Variants in EPHA6 observed in about 807,000 individuals in gnomAD.
EPHA6 encodes EPH receptor A6.
A neutral mutation model predicts 112.0 loss-of-function variants in EPHA6; 50 were observed. That is an observed-to-expected ratio of 0.45 (90% CI 0.36 to 0.56). The LOEUF is 0.56. Among genes scored for constraint, EPHA6 ranks in the 20% least tolerant of loss-of-function variants. EPHA6 has a pLI of 0.00. For missense variants in EPHA6, 1,280 were observed against 1,417.4 expected, an observed-to-expected ratio of 0.90 and a Z score of 1.56; for synonymous variants, 529 against 490.7, an observed-to-expected ratio of 1.08 and a Z score of -1.03.
chr3:97,345,959 C>T lies in EPHA6; in HGVS notation c.1607-59191C>T, dbSNP rs554352536. 3.9e-5 allele frequency among the ~76,000 whole-genome samples: 6 copies of T among 152,130 alleles called. No individual in the cohort carries two copies. In the South Asian group the frequency reaches 1.0e-3, roughly 26 times the overall value. On this transcript the variant is annotated intron_variant, in intron 5 of 17. Coordinates refer to ENST00000389672, the MANE Select transcript of EPHA6 (RefSeq NM_001080448.3). ...AGGTCATAACCTTTTTCAAGACTATCTTGAAAAAATTGTCACAAAAATTTT... is the reference window on the plus strand; with the variant it reads ...AGGTCATAACCTTTTTCAAGACTATTTTGAAAAAATTGTCACAAAAATTTT...
At chr3:97,546,157 C>T (rs2092944476) in intron 11 of EPHA6, among the ~76,000 whole-genome samples, 1 of 152,094 alleles carries the variant, frequency 6.6e-6, no homozygotes, top group African/African-American at 2.4e-5. Flanking sequence ...TTCTTCCTAG[C>T]CTTGATGGTC....
chr3:97,191,063 C>T (rs1208225928), intron 3 of EPHA6, among the ~76,000 whole-genome samples: 2 of 152,068 alleles, frequency 1.3e-5, no homozygotes, highest in Non-Finnish European at 2.9e-5. Context: ...TGGTAACTGC[C>T]ATTGTACTTG....
chr3:96,850,898 A>T (rs1454610822), intron 1 of EPHA6, among the ~76,000 whole-genome samples: 4 of 152,154 alleles, frequency 2.6e-5, no homozygotes, highest in Non-Finnish European at 4.4e-5. Flanking sequence ...TTACATAAAA[A>T]TATACATAAA....
chr3:97,281,526 T>C (rs1369584781), intron 5 of EPHA6, among the ~76,000 whole-genome samples: 1 of 152,172 alleles, frequency 6.6e-6, no homozygotes, highest in Non-Finnish European at 1.5e-5. Flanking sequence ...AGTCTCTCAC[T>C]GTGATTCCAA....
intron 5 of EPHA6, among the ~76,000 whole-genome samples, chr3:97,277,366 G>C (rs1348522949): frequency 1.3e-5 from 2 of 152,098 alleles, no homozygotes; most frequent in African/African-American, 4.8e-5. Flanking sequence ...TTTTGAGCTG[G>C]GATGAGCCAG....
intron 1 of EPHA6, among the ~76,000 whole-genome samples, chr3:96,862,404 C>A (rs72933412): frequency 0.016 from 2,437 of 151,884 alleles, 65 homozygotes; most frequent in African/African-American, 0.049. Flanking sequence ...TAGGAAGAAA[C>A]CCCTTACTTT....
chr3:97,076,170 G>A (rs996105558), intron 3 of EPHA6, among the ~76,000 whole-genome samples: 2 of 152,062 alleles, frequency 1.3e-5, no homozygotes, highest in Non-Finnish European at 2.9e-5. Flanking sequence ...CATGTCAAAA[G>A]CCAAAAAAGG....
chr3:96,844,511 T>C (rs1407836478), intron 1 of EPHA6, among the ~76,000 whole-genome samples: 1 of 152,064 alleles, frequency 6.6e-6, no homozygotes, highest in African/African-American at 2.4e-5. Context: ...AAGGTCTTGC[T>C]GTATCTCTTT....
chr3:96,975,407 T>A lies in EPHA6; in HGVS notation c.451-11923T>A, dbSNP rs563330942. Among the ~76,000 whole-genome samples, 3 of 152,294 alleles carry A rather than the reference T, an allele frequency of 2.0e-5. No individual in the cohort carries two copies. In the South Asian group the frequency reaches 6.2e-4, roughly 32 times the overall value. On this transcript the variant is annotated intron_variant, in intron 2 of 17. Transcript: ENST00000389672. The stretch of plus-strand genomic sequence containing the variant: ...ACGTCATAGAATACGTAAAATAAAG[T>A]TAGAAGACCTAGTTCTAATTCTAGT...
At chr3:97,196,359 A>G (rs1186864901) in intron 3 of EPHA6, among the ~76,000 whole-genome samples, 6 of 151,978 alleles carry the variant, frequency 3.9e-5, no homozygotes, top group Non-Finnish European at 8.8e-5. Context: ...CAATAAACTT[A>G]TCTGACAGGA....
intron 6 of EPHA6, among the ~76,000 whole-genome samples, chr3:97,419,461 C>T (rs916966921): frequency 6.6e-6 from 1 of 151,660 alleles, no homozygotes; most frequent in Non-Finnish European, 1.5e-5. Flanking sequence ...CCCTTCTCTA[C>T]TGAAAATACA....
chr3:97,264,555 C>G (rs1415519256), intron 5 of EPHA6, among the ~76,000 whole-genome samples: 1 of 152,184 alleles, frequency 6.6e-6, no homozygotes, highest in Non-Finnish European at 1.5e-5. Context: ...GTCTGGACTC[C>G]TCGAAGGCCC....
rs74697588 is a variant in EPHA6 at position 97,523,769 on chromosome 3, T to C, written c.2201-8589T>C. Among the ~76,000 whole-genome samples, 1,056 of 152,174 alleles carry C rather than the reference T, an allele frequency of 6.9e-3. 17 individuals are homozygous for C. Among genetic ancestry groups the C allele is most frequent in the African/African-American group, 0.022 (923 of 41,574 alleles). ...ATGTATATTTTAAATGCTTATCTTT[T>C]TAATGAACTGACCCTTTTGTTATTA... On this transcript the variant is annotated intron_variant, in intron 10 of 17. Coordinates refer to ENST00000389672, the MANE Select transcript of EPHA6 (RefSeq NM_001080448.3).
At chr3:97,726,731 G>A (rs191765769) in intron 15 of EPHA6, among the ~76,000 whole-genome samples, 1 of 152,198 alleles carries the variant, frequency 6.6e-6, no homozygotes, top group Non-Finnish European at 1.5e-5. Context: ...TAATGGAAGT[G>A]TATTGTAATG....
At chr3:97,683,236 T>G (rs907194385) in intron 14 of EPHA6, among the ~76,000 whole-genome samples, 3 of 152,188 alleles carry the variant, frequency 2.0e-5, no homozygotes, top group African/African-American at 7.2e-5. Flanking sequence ...ATGTATAATT[T>G]TAATTGAATT....
chr3:97,580,606 C>T (rs1294690011), intron 11 of EPHA6, among the ~76,000 whole-genome samples: 1 of 152,088 alleles, frequency 6.6e-6, no homozygotes, highest in Non-Finnish European at 1.5e-5. Flanking sequence ...AAAATGGTGG[C>T]ACAGCAAGGG....
chr3:96,917,649 A>G (rs941289445), intron 2 of EPHA6, among the ~76,000 whole-genome samples: 5 of 152,030 alleles, frequency 3.3e-5, no homozygotes, highest in Admixed American at 2.0e-4. Flanking sequence ...AAGGCTGTCT[A>G]TAACCAAGGA....
At chr3:97,383,722 C>T (rs1043461324) in intron 5 of EPHA6, among the ~76,000 whole-genome samples, 3 of 151,980 alleles carry the variant, frequency 2.0e-5, no homozygotes, top group Admixed American at 6.6e-5. Flanking sequence ...AGGAAATGTG[C>T]GCAGTATATT....
At chr3:97,448,526 A>C in intron 6 of EPHA6, 42 bp from the exon 7 acceptor site, 1 of 1,597,156 alleles carries the variant, frequency 6.3e-7, no homozygotes, top group Non-Finnish European at 8.6e-7. Flanking sequence ...AAGGTAGAAT[A>C]ACTCTGTTTC....
Sources: allele counts gnomAD v4.1 joint callset (sites outside exome capture counted in the v4.1 genomes callset), GRCh38; gene constraint gnomAD v4.1.1; transcripts MANE v1.5; gene names NCBI Gene and HGNC (gene_info 2026-07-23, HGNC 2026-07-21).